The following MYCBP2 variants were observed in gnomAD, a reference collection of about 807,000 sequenced individuals.
MYCBP2 encodes MYC binding protein 2.
Under a neutral mutation model 525.3 loss-of-function variants are expected in MYCBP2, and 120 were observed. The observed-to-expected ratio is 0.23, with a 90% CI of 0.20 to 0.27. The LOEUF (loss-of-function observed/expected upper bound fraction) is 0.27, where lower values mean the gene tolerates loss of function less well. MYCBP2 is among the 10% of genes least tolerant of loss of function. MYCBP2 has a pLI of 1.00. For missense variants in MYCBP2, 4,149 were observed against 5,657.1 expected, an observed-to-expected ratio of 0.73 and a Z score of 8.55; for synonymous variants, 1,894 against 1,955.8, an observed-to-expected ratio of 0.97 and a Z score of 0.83.
intron 54 of MYCBP2, among the ~76,000 whole-genome samples, chr13:77,124,585 T>C (rs377179330): frequency 6.6e-6 from 1 of 152,098 alleles, no homozygotes; most frequent in Non-Finnish European, 1.5e-5. Context: ...GTACTAGGAA[T>C]GGAAAGATAA....
chr13:77,196,488 G>C (rs188539457), intron 26 of MYCBP2, among the ~76,000 whole-genome samples: 1 of 152,226 alleles, frequency 6.6e-6, no homozygotes, highest in Non-Finnish European at 1.5e-5. Flanking sequence ...ATACAAATGA[G>C]AATGGCTGTG....
chr13:77,081,063 C>A lies in MYCBP2; in HGVS notation c.11418+364G>T. The A allele has an allele frequency of 5.4e-6, 1 of 186,040 alleles. No homozygotes were observed. The highest frequency in any genetic ancestry group is 1.1e-5 in the Non-Finnish European group (1 of 90,748). 11.5% of individuals were successfully genotyped at this position (186,040 alleles called of 1,614,324 possible). ...TTTTTAGAGGAGTTACTTAGAATTT[C>A]TCTGCTGAGTTTGAGAGACCCTGGA... On this transcript the variant is annotated intron_variant, in intron 65 of 82. Transcript: ENST00000544440. The surrounding 1 kb of genome is among the most constrained non-coding windows in gnomAD (Gnocchi z 4.6).
chr13:77,267,739 C>G, intron 8 of MYCBP2, 102 bp downstream of exon 8: 1 of 901,836 alleles, frequency 1.1e-6, no homozygotes, highest in Non-Finnish European at 1.8e-6. Context: ...CTTTTATAAG[C>G]AAGCACTATC....
rs182398408 is a variant in MYCBP2 at position 77,248,706 on chromosome 13, G to T, written c.2381+2445C>A. ...GGCCGCTGTGAAAAATAGTATGGCA[G>T]TTCCTCAAAAGATTAAAAATAAAAT... On this transcript the variant is annotated intron_variant, in intron 15 of 82. Transcript: ENST00000544440. 5.5e-3 allele frequency among the ~76,000 whole-genome samples: 836 copies of T among 152,234 alleles called. 34 individuals are homozygous for T. The highest frequency in any genetic ancestry group is 1.2e-3 in the Non-Finnish European group (81 of 68,000).
chr13:77,203,654 G>A (rs897840107), intron 26 of MYCBP2, among the ~76,000 whole-genome samples: 3 of 152,116 alleles, frequency 2.0e-5, no homozygotes, highest in Non-Finnish European at 2.9e-5. Context: ...TATACTACAA[G>A]GCTACAGTAA....
rs149853089 is a variant in MYCBP2 at position 77,288,459 on chromosome 13, CACTA to C, written c.379-87_379-84del. On this transcript the variant is annotated intron_variant, in intron 2 of 82. Transcript: ENST00000544440. ...TTTACATAAAAGTAAAGATTAGACA[CACTA>C]ACTGACTTGCAGAAGACACATTATG... 1.3e-3 allele frequency: 1,527 copies of C among 1,171,978 alleles called. 11 individuals are homozygous for C. The African/African-American group carries it at 0.02, about 16-fold the overall frequency. The allele number at this position is 1,171,978 out of a possible 1,614,324, so 72.6% of individuals were successfully genotyped here. A position where few individuals can be genotyped will look rare whatever the true frequency, so the allele number is the denominator to read the frequency against.
At chr13:77,097,129 CATA>C (rs1401879931) in intron 56 of MYCBP2, among the ~76,000 whole-genome samples, 10 of 152,142 alleles carry the variant, frequency 6.6e-5, no homozygotes, top group Non-Finnish European at 1.2e-4. Context: ...TTGGGTAACA[CATA>C]ATATTTTTTA....
At chr13:77,073,926 C>T (rs902609986) in intron 68 of MYCBP2, among the ~76,000 whole-genome samples, 2 of 151,574 alleles carry the variant, frequency 1.3e-5, no homozygotes, top group African/African-American at 4.8e-5. Context: ...GATACGAAGA[C>T]TCAATATTAT....
At chr13:77,202,573 C>T (rs1185274616) in intron 26 of MYCBP2, among the ~76,000 whole-genome samples, 3 of 151,716 alleles carry the variant, frequency 2.0e-5, no homozygotes, top group Non-Finnish European at 2.9e-5. Flanking sequence ...ATACCAAAGC[C>T]GGGCAGAGAC....
chr13:77,262,222 C>CA, intron 10 of MYCBP2, 93 bp from the exon 11 acceptor site: 1 of 1,013,832 alleles, frequency 9.9e-7, no homozygotes, highest in Non-Finnish European at 1.4e-6. Flanking sequence ...AATGTCAATT[C>CA]AAAATCACTA....
chr13:77,320,773 T>C (rs924770420), intron 1 of MYCBP2, among the ~76,000 whole-genome samples: 2 of 152,174 alleles, frequency 1.3e-5, no homozygotes, highest in African/African-American at 2.4e-5. Context: ...TACAATATTC[T>C]TGCTAAAAAA....
chr13:77,280,799 AATG>A (rs1170657757), intron 3 of MYCBP2, among the ~76,000 whole-genome samples: 1 of 152,198 alleles, frequency 6.6e-6, no homozygotes, highest in Non-Finnish European at 1.5e-5. Context: ...CTTTGGTCAC[AATG>A]ATGATAGGGA....
rs1469088466 is a variant in MYCBP2 at position 77,243,080 on chromosome 13, G to A, written c.2608C>T (p.His870Tyr). The change falls in exon 17 of 83, where the codon CAC (histidine) becomes TAC (tyrosine). Residue 870 changes from histidine to tyrosine, a missense_variant. His to Tyr is a moderately conservative substitution (Grantham distance 83). Transcript: ENST00000544440. ...TTACCTCTTCCTTCCTCTAATCTGT[G>A]CCTTCTGATTACACGTTGCCGTTTT... The part of the protein sequence containing the change: ...EEKRQRVIRR[H>Y]RLEEGRGPLV... 1 of 1,613,884 alleles carries A rather than the reference G, an allele frequency of 6.2e-7. No individual in the cohort carries two copies. The highest frequency in any genetic ancestry group is 2.2e-5 in the East Asian group (1 of 44,868).
rs376574018 is a variant in MYCBP2 at position 77,123,896 on chromosome 13, A to T, written c.8017+1440T>A. Among the ~76,000 whole-genome samples, 13 of 152,312 alleles carry T rather than the reference A, an allele frequency of 8.5e-5. No individual in the cohort carries two copies. In the East Asian group the frequency reaches 2.5e-3, roughly 29 times the overall value. ...TTTAAAAATTTATGAATATGAAGTA[A>T]ATATACAGCAATATATAATAAGCAC... On this transcript the variant is annotated intron_variant, in intron 54 of 82. Coordinates refer to ENST00000544440, the MANE Select transcript of MYCBP2 (RefSeq NM_015057.5).
intron 17 of MYCBP2, among the ~76,000 whole-genome samples, chr13:77,238,452 T>C (rs906193702): frequency 3.3e-5 from 5 of 152,148 alleles, no homozygotes; most frequent in Non-Finnish European, 5.9e-5. Context: ...GATAAAATCA[T>C]TGATATGATC....
At chr13:77,089,075 T>G (rs576506767) in intron 60 of MYCBP2, 44 bp from the exon 61 acceptor site, 1 of 1,391,690 alleles carries the variant, frequency 7.2e-7, no homozygotes, top group Non-Finnish European at 9.8e-7. Context: ...AGGCAGTGCA[T>G]ATATATTTAA....
In MYCBP2 at chr13:77,087,519, C is replaced by T; in HGVS notation, c.10840G>A (p.Glu3614Lys). 2 of 1,612,730 alleles carry T rather than the reference C, an allele frequency of 1.2e-6. No individual in the cohort carries two copies. Among genetic ancestry groups the T allele is most frequent in the Non-Finnish European group, 1.7e-6 (2 of 1,179,332 alleles). ...APVEPEEEEDEENKTSKENSE... is the reference protein window; with the variant it reads ...APVEPEEEEDKENKTSKENSE... Reference sequence around the variant, plus strand: ...TTTTCTTTGCTTGTTTTATTTTCTTCATCCTCTTCTTCCTCTGGTTCCACT... The same window carrying T: ...TTTTCTTTGCTTGTTTTATTTTCTTTATCCTCTTCTTCCTCTGGTTCCACT... Residue 3614 changes from glutamate to lysine, a missense_variant, in exon 62 of 83, where the codon GAA becomes AAA. Coordinates refer to ENST00000544440, the MANE Select transcript of MYCBP2 (RefSeq NM_015057.5).
chr13:77,191,285 T>G (rs2154258570), intron 28 of MYCBP2, among the ~76,000 whole-genome samples: 1 of 152,360 alleles, frequency 6.6e-6, no homozygotes, highest in Admixed American at 6.5e-5. Flanking sequence ...TAACACACAT[T>G]GCTGAAGCTT....
chr13:77,174,220 A>G (rs1238935077), intron 37 of MYCBP2, 91 bp downstream of exon 37: 9 of 1,145,248 alleles, frequency 7.9e-6, no homozygotes, highest in East Asian at 2.4e-5. Flanking sequence ...CAATTTAATT[A>G]TAAGTATCCA....
Sources: allele counts gnomAD v4.1 joint callset (sites outside exome capture counted in the v4.1 genomes callset), GRCh38; gene constraint gnomAD v4.1.1; non-coding constraint Gnocchi (gnomAD v3.1); transcripts MANE v1.5; gene names NCBI Gene and HGNC (gene_info 2026-07-23, HGNC 2026-07-21).